Variants in WDR19 observed in about 807,000 individuals in gnomAD.
WDR19 encodes the protein WD repeat domain 19, also known as WD repeat-containing protein 19.
A neutral mutation model predicts 180.0 loss-of-function variants in WDR19; 121 were observed. That is an observed-to-expected ratio of 0.67 (90% CI 0.58 to 0.78). WDR19 has a LOEUF of 0.78. WDR19 is among the 30% of genes least tolerant of loss of function. The probability of loss-of-function intolerance (pLI) is 0.00; values close to 1 mark genes in which losing one functional copy is unlikely to be tolerated. For missense variants in WDR19, 1,450 were observed against 1,640.7 expected, an observed-to-expected ratio of 0.88 and a Z score of 2.01; for synonymous variants, 497 against 540.7, an observed-to-expected ratio of 0.92 and a Z score of 1.12.
chr4:39,187,369 G>A (rs565816069), intron 3 of WDR19, among the ~76,000 whole-genome samples: 1 of 147,994 alleles, frequency 6.8e-6, no homozygotes, highest in Non-Finnish European at 1.5e-5. Flanking sequence ...GCAGTGAGCC[G>A]AGATTGCGCT....
chr4:39,211,962 A>AT (rs1267766792), intron 9 of WDR19, among the ~76,000 whole-genome samples: 16 of 151,280 alleles, frequency 1.1e-4, no homozygotes, highest in Non-Finnish European at 1.0e-4. Flanking sequence ...AGAGAGAGAG[A>AT]GAGAGAGAGA....
At chr4:39,203,121 T>C (rs1200243249) in intron 6 of WDR19, among the ~76,000 whole-genome samples, 1 of 150,616 alleles carries the variant, frequency 6.6e-6, no homozygotes, top group East Asian at 1.9e-4. Context: ...TCTTTTTTTT[T>C]TTTTTTTTGA....
intron 29 of WDR19, among the ~76,000 whole-genome samples, chr4:39,266,502 T>C (rs1055553633): frequency 2.0e-5 from 3 of 152,244 alleles, no homozygotes; most frequent in African/African-American, 7.2e-5. Flanking sequence ...CAAGTTGATC[T>C]AGACAGACCC....
chr4:39,215,924 A>C lies in WDR19; in HGVS notation c.1045A>C (p.Lys349Gln). 6.2e-7 allele frequency: 1 copy of C among 1,613,792 alleles called. No homozygotes were observed. Among genetic ancestry groups the C allele is most frequent in the Non-Finnish European group, 8.5e-7 (1 of 1,179,798 alleles). The part of the protein sequence containing the change: ...QRGSLHVFLT[K>Q]LPILGDACST... ...GGGCTCACTTCATGTTTTCCTGACC[A>C]AGCTTCCCATACTTGGGGATGCCTG... Residue 349 changes from lysine (K) to glutamine (Q), a missense_variant, in exon 11 of 37, where the codon AAG becomes CAG. By Grantham distance (53) the Lys-to-Gln change is moderately conservative (BLOSUM62 1). Coordinates refer to ENST00000399820, the MANE Select transcript of WDR19 (RefSeq NM_025132.4).
chr4:39,247,665 C>T (rs186521319), intron 24 of WDR19, among the ~76,000 whole-genome samples: 189 of 152,074 alleles, frequency 1.2e-3, no homozygotes, highest in African/African-American at 4.2e-3. Flanking sequence ...CTTAAAGGAC[C>T]CGATGGAGTG....
At chr4:39,234,922 A>G in intron 20 of WDR19, 47 bp downstream of exon 20, 1 of 1,214,698 alleles carries the variant, frequency 8.2e-7, no homozygotes, top group Non-Finnish European at 1.2e-6. Context: ...AATGACTGCA[A>G]ATATCTTCAG....
intron 24 of WDR19, among the ~76,000 whole-genome samples, chr4:39,251,518 A>G (rs1037765351): frequency 6.6e-6 from 1 of 151,728 alleles, no homozygotes; most frequent in African/African-American, 2.4e-5. Flanking sequence ...AATGGGATCT[A>G]ATTAAACTAA....
intron 14 of WDR19, chr4:39,219,139 A>T (rs1473305541): frequency 6.6e-6 from 1 of 152,236 alleles, no homozygotes; most frequent in Non-Finnish European, 1.5e-5. Flanking sequence ...CAAAATAAAA[A>T]TAAAAAGTAT....
At chr4:39,206,232 A>G (rs1413966938) in intron 9 of WDR19, 2 of 152,360 alleles carry the variant, frequency 1.3e-5, no homozygotes, top group Non-Finnish European at 2.9e-5. Context: ...AAGTTGCAGG[A>G]AAGAGAACTT....
chr4:39,186,694 A>ATTCC, intron 3 of WDR19, 90 bp downstream of exon 3: 1 of 874,048 alleles, frequency 1.1e-6, no homozygotes, highest in Non-Finnish European at 1.7e-6. Context: ...AATCAGATGG[A>ATTCC]ATCTTTTGCT....
chr4:39,246,503 G>C (rs1036451808), intron 24 of WDR19, among the ~76,000 whole-genome samples: 2 of 152,166 alleles, frequency 1.3e-5, no homozygotes, highest in African/African-American at 4.8e-5. Context: ...CTGGACAGTG[G>C]GTGCAGGACA....
chr4:39,244,435 T>C, intron 22 of WDR19, 35 bp from the exon 23 acceptor site: 1 of 1,613,856 alleles, frequency 6.2e-7, no homozygotes, highest in Admixed American at 1.7e-5. Context: ...TTATACATAA[T>C]AACTTAGTAT....
chr4:39,240,672 C>T (rs943519153), intron 21 of WDR19, among the ~76,000 whole-genome samples: 3 of 152,060 alleles, frequency 2.0e-5, no homozygotes, highest in African/African-American at 7.2e-5. Context: ...TTTCAGTAGG[C>T]TGGACGCGGT....
intron 19 of WDR19, among the ~76,000 whole-genome samples, chr4:39,234,043 G>A (rs1212544146): frequency 1.3e-5 from 2 of 152,262 alleles, no homozygotes; most frequent in East Asian, 3.9e-4. Flanking sequence ...GCCTCTGTTT[G>A]CCTCAGTTTC....
intron 23 of WDR19, among the ~76,000 whole-genome samples, chr4:39,244,977 T>C (rs1358098930): frequency 6.8e-6 from 1 of 147,492 alleles, no homozygotes; most frequent in Non-Finnish European, 1.5e-5. Flanking sequence ...TCTCTGTTGC[T>C]CAGGCTGAAG....
At chr4:39,203,492 C>A in intron 6 of WDR19, 150 bp from the exon 7 acceptor site, 1 of 639,006 alleles carries the variant, frequency 1.6e-6, no homozygotes, top group Non-Finnish European at 2.7e-6. Context: ...TCTGTTTCAT[C>A]TAGAATTTCT....
At chr4:39,225,653 A>G (rs56037933) in intron 15 of WDR19, among the ~76,000 whole-genome samples, 50,105 of 152,058 alleles carry the variant, frequency 0.33, 8,504 homozygotes, top group African/African-American at 0.4. Context: ...CACATAAGCT[A>G]CAGCTGCTTG....
chr4:39,240,420 T>G, intron 21 of WDR19, 86 bp downstream of exon 21: 1 of 768,988 alleles, frequency 1.3e-6, no homozygotes, highest in African/African-American at 1.8e-5. Context: ...CTTATTTGTA[T>G]TGTATTTAAT....
At chr4:39,238,752 C>G (rs1266165964) in intron 20 of WDR19, among the ~76,000 whole-genome samples, 1 of 150,770 alleles carries the variant, frequency 6.6e-6, no homozygotes, top group Non-Finnish European at 1.5e-5. Context: ...TAGTAACTTG[C>G]CTAAGCTGAT....
Sources: gnomAD v4.1 joint callset for allele counts (sites outside exome capture counted in the v4.1 genomes callset) on GRCh38, gnomAD v4.1.1 for gene constraint, MANE v1.5 for transcripts, NCBI Gene and HGNC (gene_info 2026-07-23, HGNC 2026-07-21) for gene names.